C6: variants seen among roughly 807,000 people sequenced by gnomAD.
C6 encodes complement C6.
A neutral mutation model predicts 112.9 loss-of-function variants in C6; 101 were observed. The observed-to-expected ratio is 0.89, with a 90% CI of 0.76 to 1.06. The LOEUF (loss-of-function observed/expected upper bound fraction) is 1.06, where lower values mean the gene tolerates loss of function less well. Ranked by LOEUF, C6 falls within the 50% of genes least tolerant of loss-of-function variation. The probability of loss-of-function intolerance (pLI) is 0.00; values close to 1 mark genes in which losing one functional copy is unlikely to be tolerated. For synonymous variants in C6, 431 were observed against 384.1 expected (o/e 1.12, Z -1.43); for missense variants, 1,202 against 1,104.6 (o/e 1.09, Z -1.25).
intron 6 of C6, among the ~76,000 whole-genome samples, chr5:41,182,302 G>A (rs141693190): frequency 1.3e-5 from 2 of 150,424 alleles, no homozygotes; most frequent in African/African-American, 4.9e-5. Context: ...ACACCAGTCA[G>A]GATGTGTCAA....
At position 41,142,692 on chromosome 5, in the gene C6, A is replaced by G; in HGVS notation, c.*133T>C. 1.3e-6 allele frequency: 1 copy of G among 751,918 alleles called. No homozygotes were observed. 46.6% of individuals were successfully genotyped at this position (751,918 alleles called of 1,614,324 possible). ...AGTCAGGGGAGAATAATGATCTCAA[A>G]CTAACAGAAAATAATTTTTGTCAGT... On this transcript the variant is annotated 3_prime_UTR_variant, in exon 18 of 18. Coordinates refer to ENST00000337836, the MANE Select transcript of C6 (RefSeq NM_000065.5).
intron 13 of C6, among the ~76,000 whole-genome samples, chr5:41,157,415 A>T (rs893130469): frequency 6.6e-6 from 1 of 152,228 alleles, no homozygotes; most frequent in Non-Finnish European, 1.5e-5. Flanking sequence ...GGCAGGGGCC[A>T]GTAAGCTTTT....
At chr5:41,186,346 G>A (rs1749769497) in intron 5 of C6, 138 bp from the exon 6 acceptor site, 4 of 878,526 alleles carry the variant, frequency 4.6e-6, no homozygotes, top group Non-Finnish European at 5.2e-6. Context: ...CCACACCTCC[G>A]CTTTTTTTTC....
intron 1 of C6, among the ~76,000 whole-genome samples, chr5:41,238,826 G>A (rs961768512): frequency 2.0e-5 from 3 of 152,092 alleles, no homozygotes; most frequent in African/African-American, 7.2e-5. Context: ...AAAATTATTA[G>A]AATATGGTGA....
intron 6 of C6, among the ~76,000 whole-genome samples, chr5:41,183,950 T>C (rs368761417): frequency 1.6e-4 from 21 of 133,114 alleles, no homozygotes; most frequent in Admixed American, 1.2e-3. Flanking sequence ...GACATAAAGA[T>C]GGCAACAACA....
chr5:41,218,262 G>A (rs935657684), upstream of C6, among the ~76,000 whole-genome samples: 7 of 152,034 alleles, frequency 4.6e-5, no homozygotes, highest in East Asian at 1.9e-4. Context: ...ATGCAGTCAC[G>A]TATTCTCTTA....
At chr5:41,143,148 C>A (rs1194193234) in intron 17 of C6, 142 bp from the exon 18 acceptor site, 13 of 719,046 alleles carry the variant, frequency 1.8e-5, no homozygotes, top group African/African-American at 3.6e-5. Flanking sequence ...AATGAGAAAG[C>A]CAAAAAATAA....
chr5:41,251,590 C>G (rs73075911), intron 1 of C6, among the ~76,000 whole-genome samples: 3,869 of 152,258 alleles, frequency 0.025, 163 homozygotes, highest in African/African-American at 0.088. Context: ...GGTCAAGGAC[C>G]TAGGTCTTCG....
intron 1 of C6, among the ~76,000 whole-genome samples, chr5:41,246,102 T>C (rs1741004392): frequency 6.6e-6 from 1 of 152,194 alleles, no homozygotes; most frequent in Admixed American, 6.5e-5. Flanking sequence ...AGTTAAGACT[T>C]AAACTTGACT....
chr5:41,230,000 C>T (rs765865539), intron 1 of C6, among the ~76,000 whole-genome samples: 193 of 152,124 alleles, frequency 1.3e-3, no homozygotes, highest in Non-Finnish European at 1.4e-3. Context: ...CTGTCTTTAC[C>T]GCAATCGCTG....
At chr5:41,238,846 TTTA>T (rs923082806) in intron 1 of C6, among the ~76,000 whole-genome samples, 1 of 152,178 alleles carries the variant, frequency 6.6e-6, no homozygotes, top group African/African-American at 2.4e-5. Flanking sequence ...AATTAGAGTT[TTTA>T]TTACTTTTGT....
rs1371789337 is a variant in C6, at chr5:41,149,994, C to A, written c.2322G>T (p.Gln774His). The A allele has an allele frequency of 3.7e-6, 6 of 1,612,782 alleles. 1 individual carries two copies. The highest frequency in any genetic ancestry group is 4.5e-5 in the East Asian group (2 of 44,834). ...CAGATCCTGATTGTTTCTGTCCCAG[C>A]TGACAATGGCCTTTTAATTTTGTTA... Reference protein sequence around the residue: ...DTLTKLKGHCQLGQKQSGSEC... With the variant: ...DTLTKLKGHCHLGQKQSGSEC... The change falls in exon 16 of 18, where the codon CAG becomes CAT. Residue 774 changes from glutamine to histidine, a missense_variant. By Grantham distance (24) the Gln-to-His change is conservative. Coordinates refer to ENST00000337836, the MANE Select transcript of C6 (RefSeq NM_000065.5).
intron 15 of C6, among the ~76,000 whole-genome samples, chr5:41,152,115 C>A (rs562535472): frequency 6.6e-6 from 1 of 151,788 alleles, no homozygotes. Flanking sequence ...ATTATAATAA[C>A]GGATTTATAA....
At chr5:41,261,407 A>G (rs545823400) in exon 1 of C6, 2 of 163,244 alleles carry the variant, frequency 1.2e-5, no homozygotes, top group South Asian at 2.0e-4. Flanking sequence ...TGTTGAAGAC[A>G]TACAAAATTA....
intron 5 of C6, among the ~76,000 whole-genome samples, chr5:41,195,425 A>G (rs1029993890): frequency 6.6e-6 from 1 of 151,944 alleles, no homozygotes; most frequent in Non-Finnish European, 1.5e-5. Flanking sequence ...GTGGTTACTC[A>G]CCCATTCAAG....
chr5:41,209,412 G>A (rs556959182), intron 1 of C6, among the ~76,000 whole-genome samples: 1 of 152,286 alleles, frequency 6.6e-6, no homozygotes, highest in East Asian at 1.9e-4. Flanking sequence ...ATTCAATTAG[G>A]AAAAGAGGGA....
At position 41,142,730 on chromosome 5, in the gene C6, G is replaced by C. The variant is rs969470414; in HGVS notation, c.*95C>G. On this transcript the variant is annotated 3_prime_UTR_variant, in exon 18 of 18. Transcript: ENST00000337836. The stretch of plus-strand genomic sequence containing the variant: ...AATTTTTGTCAGTAACTTTGAGCAT[G>C]CCAGTCTGCTGTTTGTGCAAGAATT... The C allele has an allele frequency of 1.0e-6, 1 of 954,830 alleles. No homozygotes were observed. The highest frequency in any genetic ancestry group is 1.7e-6 in the Non-Finnish European group (1 of 583,166). 59.1% of individuals were successfully genotyped at this position (954,830 alleles called of 1,614,324 possible).
At chr5:41,245,636 ACAAT>A (rs1315122897) in intron 1 of C6, among the ~76,000 whole-genome samples, 1 of 152,192 alleles carries the variant, frequency 6.6e-6, no homozygotes, top group Non-Finnish European at 1.5e-5. Context: ...AAAAAAAATC[ACAAT>A]CAGTTATTGA....
intron 5 of C6, among the ~76,000 whole-genome samples, chr5:41,195,572 C>T (rs1419819795): frequency 6.6e-6 from 1 of 152,146 alleles, no homozygotes; most frequent in Non-Finnish European, 1.5e-5. Context: ...CATAGCATTG[C>T]CTGGCACAAA....
Sources: gnomAD v4.1 joint callset for allele counts (sites outside exome capture counted in the v4.1 genomes callset) on GRCh38, gnomAD v4.1.1 for gene constraint, MANE v1.5 for transcripts, NCBI Gene and HGNC (gene_info 2026-07-23, HGNC 2026-07-21) for gene names.